The following KMT2C variants were observed in gnomAD, a reference collection of about 807,000 sequenced individuals.
KMT2C encodes lysine methyltransferase 2C, also known as histone-lysine N-methyltransferase 2C.
A neutral mutation model predicts 507.9 loss-of-function variants in KMT2C; 88 were observed. The observed-to-expected ratio is 0.17, with a 90% CI of 0.15 to 0.21. KMT2C has a LOEUF of 0.21. KMT2C is among the 10% of genes least tolerant of loss of function. The probability of loss-of-function intolerance (pLI) is 1.00; values close to 1 mark genes in which losing one functional copy is unlikely to be tolerated. For missense variants in KMT2C, 4,954 were observed against 5,957.8 expected (o/e 0.83, Z 5.55); for synonymous variants, 2,049 against 2,080.8 (o/e 0.98, Z 0.42).
In KMT2C at chr7:152,149,040, G is replaced by C; in HGVS notation, c.12887C>G (p.Pro4296Arg). Residue 4296 changes from proline (P) to arginine (R), a missense_variant, in exon 52 of 59, where the codon CCA becomes CGA. By Grantham distance (103) the Pro-to-Arg change is moderately radical. Coordinates refer to ENST00000262189, the MANE Select transcript of KMT2C (RefSeq NM_170606.3). ...TLDVHCLPQL[P>R]EKASPPASPP... is the part of the protein sequence containing the mutation. Reference sequence around the variant, plus strand: ...TGAGGCAGGGGGAGAAGCTTTCTCTGGGAGCTGGGGGAGACAGTGCACATC... The same window carrying C: ...TGAGGCAGGGGGAGAAGCTTTCTCTCGGAGCTGGGGGAGACAGTGCACATC... 4 of 1,534,384 alleles carry C rather than the reference G, an allele frequency of 2.6e-6. No homozygotes were observed. The highest frequency in any genetic ancestry group is 3.5e-6 in the Non-Finnish European group (4 of 1,145,514).
chr7:152,390,912 C>A (rs201038728), intron 1 of KMT2C, among the ~76,000 whole-genome samples: 1 of 151,420 alleles, frequency 6.6e-6, no homozygotes, highest in African/African-American at 2.4e-5. Context: ...TTTGGGAGGC[C>A]GAGGCAGATG....
intron 2 of KMT2C, among the ~76,000 whole-genome samples, chr7:152,353,291 G>A (rs2097128143): frequency 6.6e-6 from 1 of 152,166 alleles, no homozygotes; most frequent in African/African-American, 2.4e-5. Flanking sequence ...CAGGCATGGT[G>A]GCAGGCACCT....
rs2129113068 is a variant in KMT2C at position 152,176,450 on chromosome 7, G to A, written c.9003C>T (p.Asn3001=). ...CAGGTTTTCCTGTCCCCAGACTGTG[G>A]TTAACTGTTGATTGACCTGGAATGA... ...PGLIPGQSTV[N]HSLGTGKPAT... Residue 3001 remains asparagine, a synonymous_variant, in exon 38 of 59, where the codon AAC becomes AAT. Coordinates refer to ENST00000262189, the MANE Select transcript of KMT2C (RefSeq NM_170606.3). The A allele has an allele frequency of 6.2e-7, 1 of 1,614,168 alleles. No homozygotes were observed. Among genetic ancestry groups the A allele is most frequent in the South Asian group, 1.1e-5 (1 of 91,084 alleles).
At chr7:152,385,213 C>A (rs2097413282) in intron 1 of KMT2C, among the ~76,000 whole-genome samples, 1 of 152,040 alleles carries the variant, frequency 6.6e-6, no homozygotes, top group Admixed American at 6.5e-5. Flanking sequence ...GGGCAAATAA[C>A]CCATTTCTTT....
chr7:152,318,755 A>C (rs2096745419), intron 3 of KMT2C, among the ~76,000 whole-genome samples: 3 of 152,144 alleles, frequency 2.0e-5, no homozygotes, highest in Non-Finnish European at 4.4e-5. Context: ...ATAAACCAAA[A>C]GGAAGTTTGA....
intron 7 of KMT2C, among the ~76,000 whole-genome samples, chr7:152,271,167 AT>A (rs1407165678): frequency 6.6e-6 from 1 of 152,234 alleles, no homozygotes; most frequent in African/African-American, 2.4e-5. Flanking sequence ...TAACACTATG[AT>A]TTAAGACAGT....
chr7:152,262,088 A>T (rs1588686446), intron 9 of KMT2C, among the ~76,000 whole-genome samples: 1 of 151,960 alleles, frequency 6.6e-6, no homozygotes, highest in East Asian at 1.9e-4. Flanking sequence ...TAGGTGCCAA[A>T]CCTCACTGGC....
At chr7:152,392,028 C>A (rs534306912) in intron 1 of KMT2C, among the ~76,000 whole-genome samples, 2 of 152,100 alleles carry the variant, frequency 1.3e-5, no homozygotes, top group South Asian at 2.1e-4. Flanking sequence ...CATTTCAACC[C>A]CATACCCTAC....
intron 20 of KMT2C, among the ~76,000 whole-genome samples, chr7:152,223,626 T>A (rs541547225): frequency 3.7e-4 from 57 of 152,136 alleles, no homozygotes; most frequent in Non-Finnish European, 5.0e-4. Flanking sequence ...AAACCCTGTC[T>A]CTACTAAAAA....
At chr7:152,290,681 C>T (rs1350360412) in intron 6 of KMT2C, among the ~76,000 whole-genome samples, 4 of 151,946 alleles carry the variant, frequency 2.6e-5, no homozygotes, top group Admixed American at 2.0e-4. Flanking sequence ...TGCACCAAAC[C>T]ACTTGAAAAA....
intron 53 of KMT2C, among the ~76,000 whole-genome samples, chr7:152,145,924 G>A (rs1332701793): frequency 6.6e-6 from 1 of 152,190 alleles, no homozygotes; most frequent in Non-Finnish European, 1.5e-5. Context: ...TAAAAGATAA[G>A]TATCATTTAG....
At chr7:152,240,959 C>G (rs2095371288) in intron 14 of KMT2C, among the ~76,000 whole-genome samples, 1 of 152,190 alleles carries the variant, frequency 6.6e-6, no homozygotes, top group African/African-American at 2.4e-5. Context: ...CAAATGTGAT[C>G]AAGCAAGTCA....
rs2093256497 is a variant in KMT2C at position 152,177,517 on chromosome 7, T to A, written c.7936A>T (p.Met2646Leu). The change falls in exon 38 of 59, where the codon ATG becomes TTG. Residue 2646 changes from methionine to leucine, a missense_variant. This residue lies in a region of KMT2C where 1,689 missense variants were observed against 1,654.3 expected (regional missense o/e 1.02). Transcript: ENST00000262189. The part of the protein sequence containing the change: ...GHSVHSSSMV[M>L]RTLNHPLGGE... Reference sequence around the variant, plus strand: ...CCTAGTGGATGGTTCAGAGTCCTCATGACCATAGAAGATGAATGGACAGAA... The same window carrying A: ...CCTAGTGGATGGTTCAGAGTCCTCAAGACCATAGAAGATGAATGGACAGAA... 1.2e-6 allele frequency: 2 copies of A among 1,614,226 alleles called. No homozygotes were observed. The highest frequency in any genetic ancestry group is 1.7e-6 in the Non-Finnish European group (2 of 1,180,040).
In KMT2C at chr7:152,176,847, G is replaced by C. The variant is rs975829892; in HGVS notation, c.8606C>G (p.Ser2869Cys). The C allele has an allele frequency of 1.9e-6, 3 of 1,614,090 alleles. No individual in the cohort carries two copies. The highest frequency in any genetic ancestry group is 1.3e-5 in the African/African-American group (1 of 74,934). ...TAGATCTGGATCACAAGGATGCAAAGAAGTCTTTTCTCCATCATTTAGGTC... is the reference window on the plus strand; with the variant it reads ...TAGATCTGGATCACAAGGATGCAAACAAGTCTTTTCTCCATCATTTAGGTC... ...HSDLNDGEKT[S>C]LHPCDPDLFE... is the part of the protein sequence containing the mutation. Residue 2869 changes from serine to cysteine, a missense_variant, in exon 38 of 59, where the codon TCT becomes TGT. Around this residue, in one of 29 missense-constraint regions of KMT2C, gnomAD observed 1,689 missense variants for 1,654.3 expected, o/e 1.02. Coordinates refer to ENST00000262189, the MANE Select transcript of KMT2C (RefSeq NM_170606.3).
intron 6 of KMT2C, among the ~76,000 whole-genome samples, chr7:152,279,293 C>CT (rs2096154434): frequency 6.6e-6 from 1 of 152,194 alleles, no homozygotes; most frequent in Non-Finnish European, 1.5e-5. Context: ...AAAAAAATCT[C>CT]TGAGACGTGG....
rs568656523 is a variant in KMT2C at position 152,152,420 on chromosome 7, A to T, written c.12526+285T>A. ...GGGGGTTGGGAGACAGGAAGAACAA[A>T]AGCTGCTCAAGGGCAAGCCCGTCAC... On this transcript the variant is annotated intron_variant, in intron 49 of 58. Transcript: ENST00000262189. Among the ~76,000 whole-genome samples the T allele has an allele frequency of 2.8e-4, 42 of 152,294 alleles. 1 individual carries two copies. The highest frequency in any genetic ancestry group is 2.5e-3 in the Admixed American group (39 of 15,306).
intron 6 of KMT2C, among the ~76,000 whole-genome samples, chr7:152,303,188 A>G (rs189684807): frequency 2.5e-3 from 374 of 152,356 alleles, no homozygotes; most frequent in African/African-American, 8.7e-3. Context: ...AAACAATCTG[A>G]GGTATGTTTC....
chr7:152,302,873 A>C (rs1412736204), intron 6 of KMT2C, among the ~76,000 whole-genome samples: 1 of 150,834 alleles, frequency 6.6e-6, no homozygotes, highest in East Asian at 2.0e-4. Context: ...CGAACTCCTG[A>C]CCTCAGGTGA....
intron 1 of KMT2C, among the ~76,000 whole-genome samples, chr7:152,361,560 T>C (rs1030523521): frequency 6.6e-6 from 1 of 151,204 alleles, no homozygotes; most frequent in African/African-American, 2.4e-5. Context: ...AGAAACTCCG[T>C]CTCAAAAAAA....
Sources: gnomAD v4.1 joint callset for allele counts (sites outside exome capture counted in the v4.1 genomes callset) on GRCh38, gnomAD v4.1.1 for gene constraint, gnomAD v4.1.1 regional missense constraint, MANE v1.5 for transcripts, NCBI Gene and HGNC (gene_info 2026-07-23, HGNC 2026-07-21) for gene names.